Variants in NBAS observed in about 807,000 individuals in gnomAD.
NBAS encodes the protein NBAS subunit of NRZ tethering complex.
Under a neutral mutation model 302.5 loss-of-function variants are expected in NBAS, and 219 were observed. The observed-to-expected ratio is 0.72, with a 90% CI of 0.65 to 0.81. The LOEUF (loss-of-function observed/expected upper bound fraction) is 0.81. Ranked by LOEUF, NBAS falls within the 30% of genes least tolerant of loss-of-function variation. The pLI is 0.00. For synonymous variants in NBAS, 1,118 were observed against 1,021.6 expected (o/e 1.09, Z -1.80); for missense variants, 2,932 against 2,841.6 (o/e 1.03, Z -0.72).
the NBAS span, among the ~76,000 whole-genome samples, chr2:14,958,668 C>T: frequency 4.0e-3 from 611 of 152,278 alleles, 5 homozygotes; most frequent in African/African-American, 0.014. Context: ...TAACAAAATG[C>T]TTCATGAGGC....
the NBAS span, among the ~76,000 whole-genome samples, chr2:14,851,624 C>A: frequency 8.5e-6 from 1 of 118,306 alleles, no homozygotes; most frequent in African/African-American, 4.9e-5. Context: ...AGAGACACAA[C>A]CAAAAAAGAG....
intron 40 of NBAS, among the ~76,000 whole-genome samples, chr2:15,300,371 T>A (rs1363228655): frequency 1.3e-5 from 2 of 152,256 alleles, no homozygotes; most frequent in Non-Finnish European, 2.9e-5. Flanking sequence ...AGATGATTCA[T>A]CTGGAGTTTG....
intron 11 of NBAS, among the ~76,000 whole-genome samples, chr2:15,494,323 T>A (rs1680984190): frequency 6.6e-6 from 1 of 152,172 alleles, no homozygotes; most frequent in South Asian, 2.1e-4. Flanking sequence ...AGAGGCTTTC[T>A]CTCTTTTTGA....
chr2:14,805,200 A>G, the NBAS span, among the ~76,000 whole-genome samples: 1 of 152,214 alleles, frequency 6.6e-6, no homozygotes, highest in South Asian at 2.1e-4. Flanking sequence ...GTCGTATAAT[A>G]AAAACACAGA....
At chr2:14,929,512 G>A in the NBAS span, among the ~76,000 whole-genome samples, 1 of 152,114 alleles carries the variant, frequency 6.6e-6, no homozygotes. Context: ...TGAGTAGCTG[G>A]GACTACAGGC....
At chr2:15,054,468 A>T in the NBAS span, among the ~76,000 whole-genome samples, 3 of 152,220 alleles carry the variant, frequency 2.0e-5, no homozygotes, top group African/African-American at 4.8e-5. Context: ...CATTTTGTGT[A>T]GGATTCTTCT....
chr2:15,013,969 G>T, the NBAS span, among the ~76,000 whole-genome samples: 2 of 151,900 alleles, frequency 1.3e-5, no homozygotes, highest in South Asian at 4.2e-4. Context: ...GATATTCCAC[G>T]TAAAAGGAAA....
At chr2:15,510,039 G>A (rs1442726454) in intron 10 of NBAS, among the ~76,000 whole-genome samples, 4 of 152,094 alleles carry the variant, frequency 2.6e-5, no homozygotes, top group East Asian at 3.9e-4. Context: ...TAGTAGAGAC[G>A]GGGTTTCACC....
chr2:15,230,770 T>C (rs935352231), intron 47 of NBAS, among the ~76,000 whole-genome samples: 1 of 152,154 alleles, frequency 6.6e-6, no homozygotes, highest in African/African-American at 2.4e-5. Context: ...TGGGAGCTGA[T>C]GGCTGAGAAC....
At chr2:15,403,865 G>A (rs544341469) in intron 25 of NBAS, among the ~76,000 whole-genome samples, 286 of 11,902 alleles carry the variant, frequency 0.024, 3 homozygotes, top group Middle Eastern at 0.1. Context: ...TCCTTCCTTC[G>A]TGTGTGTGTG....
chr2:14,950,259 C>T, the NBAS span, among the ~76,000 whole-genome samples: 3 of 152,186 alleles, frequency 2.0e-5, no homozygotes, highest in Admixed American at 1.3e-4. Context: ...TGAGAACACA[C>T]AATGTTTGGT....
chr2:14,821,691 A>G, the NBAS span, among the ~76,000 whole-genome samples: 1 of 152,030 alleles, frequency 6.6e-6, no homozygotes, highest in African/African-American at 2.4e-5. Context: ...TCCAGCAAAA[A>G]AGTCTGCACT....
the NBAS span, among the ~76,000 whole-genome samples, chr2:15,132,558 C>A: frequency 6.6e-6 from 1 of 151,962 alleles, no homozygotes; most frequent in Non-Finnish European, 1.5e-5. Flanking sequence ...AAGAATGGTC[C>A]CCTAATAAAA....
At chr2:15,332,185 A>G (rs1244874243) in intron 35 of NBAS, among the ~76,000 whole-genome samples, 1 of 152,184 alleles carries the variant, frequency 6.6e-6, no homozygotes, top group Non-Finnish European at 1.5e-5. Flanking sequence ...CAACACCATG[A>G]ATGAGCACAG....
chr2:15,253,759 A>G (rs1314959712), intron 44 of NBAS, among the ~76,000 whole-genome samples: 3 of 152,182 alleles, frequency 2.0e-5, no homozygotes, highest in African/African-American at 4.8e-5. Context: ...AAAGAGCTCC[A>G]GAACACCAAA....
the NBAS span, among the ~76,000 whole-genome samples, chr2:15,061,501 T>C: frequency 1.3e-5 from 2 of 152,240 alleles, no homozygotes; most frequent in Non-Finnish European, 2.9e-5. Context: ...TGTGATTTCA[T>C]TAAAATGCTC....
chr2:15,293,739 C>T (rs1284119107), intron 40 of NBAS, among the ~76,000 whole-genome samples: 1 of 152,058 alleles, frequency 6.6e-6, no homozygotes, highest in Non-Finnish European at 1.5e-5. Context: ...AGCCATTATT[C>T]TGATCTGCAC....
At chr2:15,157,465 T>C in the NBAS span, among the ~76,000 whole-genome samples, 2 of 152,150 alleles carry the variant, frequency 1.3e-5, no homozygotes, top group East Asian at 3.9e-4. Flanking sequence ...CAGCTCCCAG[T>C]GTGCGTTTAG....
the NBAS span, among the ~76,000 whole-genome samples, chr2:14,947,167 C>T: frequency 4.4e-4 from 67 of 151,756 alleles, 1 homozygote; most frequent in East Asian, 3.9e-3. Context: ...ATACAAAGAT[C>T]GGAGCAGAAA....
Sources: gnomAD v4.1 joint callset for allele counts (sites outside exome capture counted in the v4.1 genomes callset) on GRCh38, gnomAD v4.1.1 for gene constraint, MANE v1.5 for transcripts, NCBI Gene and HGNC (gene_info 2026-07-23, HGNC 2026-07-21) for gene names.